The following EPYC variants were observed in gnomAD, a reference collection of about 807,000 sequenced individuals.
The protein encoded by EPYC is dermatan sulfate proteoglycan 3.
In EPYC, 28 loss-of-function variants were observed where a neutral mutation model predicts 30.1. The observed-to-expected ratio is 0.93, with a 90% CI of 0.69 to 1.28. The LOEUF (loss-of-function observed/expected upper bound fraction) is 1.28. EPYC is among the 50% of genes most tolerant of loss of function. EPYC has a pLI of 0.00. For synonymous variants in EPYC, 144 were observed against 141.4 expected, an observed-to-expected ratio of 1.02 and a Z score of -0.13; for missense variants, 382 against 383.5, an observed-to-expected ratio of 1.00 and a Z score of 0.03.
intron 2 of EPYC, among the ~76,000 whole-genome samples, chr12:90,984,944 G>C (rs1049475898): frequency 1.3e-5 from 2 of 152,172 alleles, no homozygotes; most frequent in Non-Finnish European, 2.9e-5. Flanking sequence ...AGATGATCCT[G>C]ATAGGTATAT....
chr12:90,988,177 T>G (rs1877498036), intron 2 of EPYC, among the ~76,000 whole-genome samples: 1 of 151,952 alleles, frequency 6.6e-6, no homozygotes, highest in African/African-American at 2.4e-5. Flanking sequence ...GATAGTCATA[T>G]TAAGGTCCCC....
chr12:90,994,214 T>C (rs916608405), intron 2 of EPYC, among the ~76,000 whole-genome samples: 2 of 152,136 alleles, frequency 1.3e-5, no homozygotes, highest in Admixed American at 1.3e-4. Flanking sequence ...GGGGTTAGCC[T>C]TCATCATAGC....
At chr12:90,994,928 T>C (rs937662699) in intron 2 of EPYC, among the ~76,000 whole-genome samples, 17 of 152,132 alleles carry the variant, frequency 1.1e-4, no homozygotes, top group African/African-American at 4.1e-4. Context: ...TAAATTAATC[T>C]TGAAGCTACT....
At chr12:90,989,535 A>G (rs150693076) in intron 2 of EPYC, among the ~76,000 whole-genome samples, 33 of 152,162 alleles carry the variant, frequency 2.2e-4, no homozygotes, top group African/African-American at 7.9e-4. Context: ...ATCTATCCCA[A>G]TGTATAGTTA....
At position 90,972,852 on chromosome 12, in the gene EPYC, T is replaced by C. The variant is rs749374663; in HGVS notation, c.469A>G (p.Lys157Glu). The change falls in exon 4 of 7, where the codon AAG becomes GAG. Residue 157 changes from lysine (K) to glutamate (E), a missense_variant. By Grantham distance (56) the Lys-to-Glu change is moderately conservative. Transcript: ENST00000261172. ...CTTGCAAAGTCATTTTTGTTGATCT[T>C]TTTAATTCTGTTAAAGCGGGAATAG... ...YFYSRFNRIK[K>E]INKNDFASLS... The C allele has an allele frequency of 6.2e-7, 1 of 1,613,666 alleles. No individual in the cohort carries two copies. Among genetic ancestry groups the C allele is most frequent in the African/African-American group, 1.3e-5 (1 of 74,918 alleles).
At chr12:90,985,165 G>T (rs1371983133) in intron 2 of EPYC, among the ~76,000 whole-genome samples, 1 of 152,144 alleles carries the variant, frequency 6.6e-6, no homozygotes, top group East Asian at 1.9e-4. Context: ...AGATCATGGG[G>T]ACTGGAGTCA....
chr12:90,964,121 A>C lies in EPYC; in HGVS notation c.*35T>G. 6.3e-7 allele frequency: 1 copy of C among 1,578,654 alleles called. No homozygotes were observed. Among genetic ancestry groups the C allele is most frequent in the Non-Finnish European group, 8.7e-7 (1 of 1,154,010 alleles). On this transcript the variant is annotated 3_prime_UTR_variant, in exon 7 of 7. Coordinates refer to ENST00000261172, the MANE Select transcript of EPYC (RefSeq NM_004950.5). ...AGAGAGCAGTAAGAATGGTTTATTTATAGTAGCCATCGTAATGCTAACCAT... is the reference window on the plus strand; with the variant it reads ...AGAGAGCAGTAAGAATGGTTTATTTCTAGTAGCCATCGTAATGCTAACCAT...
chr12:90,993,946 A>C (rs1286222137), intron 2 of EPYC, among the ~76,000 whole-genome samples: 1 of 152,164 alleles, frequency 6.6e-6, no homozygotes, highest in Non-Finnish European at 1.5e-5. Flanking sequence ...TAACAGATTC[A>C]AGAACATCAT....
At position 90,989,723 on chromosome 12, in the gene EPYC, TCTTA is replaced by T. The variant is rs1215412346; in HGVS notation, c.166-11465_166-11462del. Among the ~76,000 whole-genome samples, 3 of 152,166 alleles carry T rather than the reference TCTTA, an allele frequency of 2.0e-5. No individual in the cohort carries two copies. The East Asian group carries it at 5.8e-4, about 29-fold the overall frequency. On this transcript the variant is annotated intron_variant, in intron 2 of 6. Coordinates refer to ENST00000261172, the MANE Select transcript of EPYC (RefSeq NM_004950.5). ...TTTTTCTTTGCTCACATACTTCTCTTCTTACTTCCTTTCTTATTGTCAGAAAATG... is the reference window on the plus strand; with the variant it reads ...TTTTTCTTTGCTCACATACTTCTCTTCTTCCTTTCTTATTGTCAGAAAATG...
chr12:90,979,746 T>C (rs1184176263), intron 2 of EPYC, among the ~76,000 whole-genome samples: 1 of 152,118 alleles, frequency 6.6e-6, no homozygotes. Flanking sequence ...GTCATGTCTT[T>C]TATCTGTGTA....
intron 2 of EPYC, among the ~76,000 whole-genome samples, chr12:90,990,268 G>A (rs377671066): frequency 1.3e-5 from 2 of 152,054 alleles, no homozygotes; most frequent in African/African-American, 2.4e-5. Context: ...ATAAATCCAT[G>A]CCTTTTAATT....
At chr12:90,966,504 A>C (rs1249246829) in intron 6 of EPYC, among the ~76,000 whole-genome samples, 1 of 151,882 alleles carries the variant, frequency 6.6e-6, no homozygotes, top group African/African-American at 2.4e-5. Flanking sequence ...GTGATGTGTA[A>C]TCTTTTCTAT....
At chr12:90,998,445 A>T (rs928406047) in intron 2 of EPYC, among the ~76,000 whole-genome samples, 10 of 152,114 alleles carry the variant, frequency 6.6e-5, no homozygotes, top group African/African-American at 2.4e-4. Context: ...AATCACACAA[A>T]TAATCAGTTT....
intron 2 of EPYC, among the ~76,000 whole-genome samples, chr12:90,978,499 T>C (rs780569989): frequency 1.3e-5 from 2 of 151,824 alleles, no homozygotes; most frequent in Non-Finnish European, 2.9e-5. Flanking sequence ...TTTTTTTTTT[T>C]GGTCTTCTTG....
chr12:90,990,036 T>C (rs1205868723), intron 2 of EPYC, among the ~76,000 whole-genome samples: 1 of 152,070 alleles, frequency 6.6e-6, no homozygotes, highest in East Asian at 1.9e-4. Flanking sequence ...GGCAATTTAA[T>C]GTAGGCTGAA....
intron 2 of EPYC, 144 bp downstream of exon 2, chr12:91,002,257 T>A: frequency 1.6e-6 from 1 of 611,132 alleles, no homozygotes; most frequent in Non-Finnish European, 2.7e-6. Flanking sequence ...ATTGAACATG[T>A]TTTGGAGAAA....
intron 2 of EPYC, among the ~76,000 whole-genome samples, chr12:91,001,982 A>G (rs1877834207): frequency 1.3e-5 from 2 of 151,776 alleles, no homozygotes; most frequent in Non-Finnish European, 2.9e-5. Flanking sequence ...AGGTCAAGAG[A>G]TCAAGACCAT....
intron 2 of EPYC, among the ~76,000 whole-genome samples, chr12:90,993,505 C>G (rs1877631638): frequency 6.6e-6 from 1 of 151,984 alleles, no homozygotes; most frequent in Admixed American, 6.6e-5. Context: ...TAGGGGTTCC[C>G]TAAAATTTAG....
intron 2 of EPYC, among the ~76,000 whole-genome samples, chr12:90,990,657 A>G (rs1877562168): frequency 1.3e-5 from 2 of 152,090 alleles, no homozygotes; most frequent in South Asian, 4.1e-4. Flanking sequence ...ATTATAGTCA[A>G]AAGATTGTTG....
Sources: allele counts gnomAD v4.1 joint callset (sites outside exome capture counted in the v4.1 genomes callset), GRCh38; gene constraint gnomAD v4.1.1; transcripts MANE v1.5; gene names NCBI Gene and HGNC (gene_info 2026-07-23, HGNC 2026-07-21).